Variants in SCNN1A observed in about 807,000 individuals in gnomAD.
SCNN1A encodes sodium channel epithelial 1 subunit alpha, also known as epithelial sodium channel subunit alpha.
Under a neutral mutation model 68.6 loss-of-function variants are expected in SCNN1A, and 65 were observed. The observed-to-expected ratio is 0.95, with a 90% CI of 0.78 to 1.16. SCNN1A has a LOEUF of 1.16. Among genes scored for constraint, SCNN1A ranks in the 50% most tolerant of loss-of-function variants. The pLI, the probability that SCNN1A is intolerant of heterozygous loss-of-function variation, is 0.00. For missense variants in SCNN1A, 880 were observed against 865.9 expected (o/e 1.02, Z -0.20); for synonymous variants, 357 against 353.3 (o/e 1.01, Z -0.12).
chr12:6,365,781 G>C (rs1339264016), intron 2 of SCNN1A, among the ~76,000 whole-genome samples: 5 of 152,140 alleles, frequency 3.3e-5, no homozygotes, highest in Non-Finnish European at 7.3e-5. Flanking sequence ...CTGACCTTGG[G>C]GTAGGCAAAA....
chr12:6,365,799 G>C (rs1357382098), intron 2 of SCNN1A, among the ~76,000 whole-genome samples: 1 of 152,182 alleles, frequency 6.6e-6, no homozygotes, highest in Non-Finnish European at 1.5e-5. Context: ...AAATTCTCTT[G>C]TAAGAAAAAT....
At position 6,374,452 on chromosome 12, in the gene SCNN1A, C is replaced by T; in HGVS notation, c.332G>A (p.Ser111Asn). 2 of 1,614,242 alleles carry T rather than the reference C, an allele frequency of 1.2e-6. No homozygotes were observed. Among genetic ancestry groups the T allele is most frequent in the Non-Finnish European group, 1.7e-6 (2 of 1,180,038 alleles). The change falls in exon 2 of 13, where the codon AGC becomes AAC. Residue 111 changes from serine to asparagine, a missense_variant. By Grantham distance (46) the Ser-to-Asn change is conservative. Around this residue, in one of 3 missense-constraint regions of SCNN1A, gnomAD observed 758 missense variants for 721.8 expected, o/e 1.05. Transcript: ENST00000228916. This position sits in a 1 kb window ranked among gnomAD's most constrained non-coding sequence, Gnocchi z 6.2. ...GTTGATGTTGAGGCTGACGGGGTAG[C>T]TGAAGTACTCTCCGAAAAGCAGGCC... The part of the protein sequence containing the change: ...QFGLLFGEYF[S>N]YPVSLNINLN...
At chr12:6,354,240 G>GA (rs1300744893) in intron 8 of SCNN1A, among the ~76,000 whole-genome samples, 198 bp downstream of exon 8, 2 of 151,632 alleles carry the variant, frequency 1.3e-5, no homozygotes, top group Admixed American at 6.6e-5. Flanking sequence ...CAAAAAAATA[G>GA]AAAAAAAGAG....
At chr12:6,371,278 T>C (rs1235896362) in intron 2 of SCNN1A, among the ~76,000 whole-genome samples, 2 of 151,714 alleles carry the variant, frequency 1.3e-5, no homozygotes, top group Admixed American at 1.3e-4. Flanking sequence ...ATTAACCTGT[T>C]TACCTCCCTG....
chr12:6,354,735 C>T lies in SCNN1A; in HGVS notation c.1242+15G>A, dbSNP rs1565478667. ...TGGCTGGGAGTGGCTGCCACGGAAT[C>T]AGGTTGGGCCTCACCTGCTGTGTGT... On this transcript the variant is annotated intron_variant, in intron 7 of 12. Coordinates refer to ENST00000228916, the MANE Select transcript of SCNN1A (RefSeq NM_001038.6). 3 of 1,607,546 alleles carry T rather than the reference C, an allele frequency of 1.9e-6. No individual in the cohort carries two copies. The highest frequency in any genetic ancestry group is 1.3e-5 in the African/African-American group (1 of 74,706).
chr12:6,348,029 G>A lies in SCNN1A; in HGVS notation c.1854C>T (p.Cys618=), dbSNP rs543479270. 6.2e-7 allele frequency: 1 copy of A among 1,602,048 alleles called. No individual in the cohort carries two copies. The highest frequency in any genetic ancestry group is 8.5e-7 in the Non-Finnish European group (1 of 1,174,074). ...TLASSPPSHF[C]PHPMSLSLSQ... ...ACAAGGACAGAGACATGGGGTGGGG[G>A]CAGAAGTGGGAAGGAGGGGAGGATG... is the stretch of plus-strand genomic sequence containing the variant. The change falls in exon 13 of 13, where the codon TGC becomes TGT. Residue 618 remains cysteine (C), a synonymous_variant. Coordinates refer to ENST00000228916, the MANE Select transcript of SCNN1A (RefSeq NM_001038.6).
At chr12:6,373,592 T>C (rs1442301585) in intron 2 of SCNN1A, among the ~76,000 whole-genome samples, 1 of 152,138 alleles carries the variant, frequency 6.6e-6, no homozygotes, top group Non-Finnish European at 1.5e-5. Flanking sequence ...CCTGCCCTCC[T>C]CTCTTCTCCA....
At chr12:6,363,912 G>A in intron 2 of SCNN1A, 1 of 474,568 alleles carries the variant, frequency 2.1e-6, no homozygotes, top group Non-Finnish European at 3.7e-6. Flanking sequence ...CGGAGGCCAC[G>A]GCGAGCCCAG....
chr12:6,355,811 G>A lies in SCNN1A; in HGVS notation c.945C>T (p.Asn315=). 1 of 1,613,568 alleles carries A rather than the reference G, an allele frequency of 6.2e-7. No homozygotes were observed. The highest frequency in any genetic ancestry group is 8.5e-7 in the Non-Finnish European group (1 of 1,179,444). The change falls in exon 5 of 13, where the codon AAC becomes AAT. Residue 315 remains asparagine (N), a synonymous_variant. Transcript: ENST00000228916. ...CYTFNDKNNS[N]LWMSSMPGIN... ...TTCCAGGCATGGAAGACATCCAGAGGTTGGAGTTGTTCTTGTCATTGAAAG... is the reference window on the plus strand; with the variant it reads ...TTCCAGGCATGGAAGACATCCAGAGATTGGAGTTGTTCTTGTCATTGAAAG...
chr12:6,349,681 C>G, intron 8 of SCNN1A: 1 of 400,864 alleles, frequency 2.5e-6, no homozygotes. Flanking sequence ...TGTACTCCAA[C>G]TCTGGCAACA....
rs531195972 is a variant in SCNN1A at position 6,372,773 on chromosome 12, G to A, written c.416+1595C>T. 2.2e-4 allele frequency among the ~76,000 whole-genome samples: 33 copies of A among 152,324 alleles called. No homozygotes were observed. Among genetic ancestry groups the A allele is most frequent in the Non-Finnish European group, 3.8e-4 (26 of 68,034 alleles). On this transcript the variant is annotated intron_variant, in intron 2 of 12. Transcript: ENST00000228916. This position sits in a 1 kb window ranked among gnomAD's most constrained non-coding sequence, Gnocchi z 5.8. ...CAGGCAGCAGGGGGAGAAAAATGAG[G>A]CTAAGAGGAAGGACCCAAGAGAGCT...
intron 4 of SCNN1A, 193 bp from the exon 5 acceptor site, chr12:6,356,073 TCCAA>T: frequency 1.6e-6 from 1 of 639,548 alleles, no homozygotes; most frequent in Non-Finnish European, 2.9e-6. Flanking sequence ...CCTCAGTCAC[TCCAA>T]CCAACAGCCT....
Position 6,354,466 on chromosome 12 carries a change from G to C in SCNN1A, c.1332C>G (p.Tyr444Ter). 1 of 1,612,904 alleles carries C rather than the reference G, an allele frequency of 6.2e-7. No individual in the cohort carries two copies. Among genetic ancestry groups the C allele is most frequent in the African/African-American group, 1.3e-5 (1 of 75,000 alleles). Residue 444 changes from tyrosine to a stop codon, truncating the protein, a stop_gained, in exon 8 of 13, where the codon TAC (tyrosine) becomes TAG (stop). Transcript: ENST00000228916. LOFTEE classifies it high-confidence loss of function. ...AGGAACTGTGCTTTCTGTAGTCACA[G>C]TACTCCACGTTCTGGGGCCGCGGAT... ...IFYPRPQNVE[Y>*]CDYRKHSSWG...
At chr12:6,358,615 T>TATAATCCCAG (rs1948534458) in intron 4 of SCNN1A, among the ~76,000 whole-genome samples, 1 of 152,032 alleles carries the variant, frequency 6.6e-6, no homozygotes, top group Non-Finnish European at 1.5e-5. Flanking sequence ...TCCCAGCACT[T>TATAATCCCAG]TGGGAGGCCG....
intron 11 of SCNN1A, 58 bp downstream of exon 11, chr12:6,348,892 G>C (rs1592059190): frequency 6.2e-7 from 1 of 1,605,430 alleles, no homozygotes; most frequent in East Asian, 2.2e-5. Context: ...CCTCTTCTTA[G>C]GTCTATTTTC....
rs1948848361 is a variant in SCNN1A, at chr12:6,374,065, C to T, written c.416+303G>A. On this transcript the variant is annotated intron_variant, in intron 2 of 12. Coordinates refer to ENST00000228916, the MANE Select transcript of SCNN1A (RefSeq NM_001038.6). The surrounding 1 kb of genome is among the most constrained non-coding windows in gnomAD (Gnocchi z 6.2). ...CACCCCTGCCCTTTTGCAAGCACTC[C>T]CTCCCACTTGCAGGAGGGAGAAGGG... 6.6e-6 allele frequency among the ~76,000 whole-genome samples: 1 copy of T among 152,168 alleles called. No individual in the cohort carries two copies. The highest frequency in any genetic ancestry group is 2.1e-4 in the South Asian group (1 of 4,824).
rs538671257 is a variant in SCNN1A at position 6,363,394 on chromosome 12, C to A, written c.684+49G>T. 2.1e-6 allele frequency: 3 copies of A among 1,463,088 alleles called. No individual in the cohort carries two copies. The South Asian group carries it at 4.2e-5, about 21-fold the overall frequency. 90.6% of individuals were successfully genotyped at this position (1,463,088 alleles called of 1,614,324 possible). On this transcript the variant is annotated intron_variant, in intron 3 of 12. Transcript: ENST00000228916. ...AGCGGAGCCCATGGGTGGGCGGGGC[C>A]AGGGGCCGGCGAGGGGCGGGGCGGG...
At chr12:6,350,364 G>A (rs571876774) in intron 8 of SCNN1A, among the ~76,000 whole-genome samples, 4 of 151,374 alleles carry the variant, frequency 2.6e-5, no homozygotes, top group South Asian at 4.2e-4. Flanking sequence ...CCCGGGAGGC[G>A]GAGCTTGCAG....
rs59142484 is a variant in SCNN1A, at chr12:6,348,166, C to T, written c.1717G>A (p.Val573Ile). The T allele has an allele frequency of 6.8e-4, 1,091 of 1,614,136 alleles. 11 individuals are homozygous for T. In the African/African-American group the frequency reaches 0.012, roughly 18 times the overall value. The change falls in exon 13 of 13, where the codon GTC (valine) becomes ATC (isoleucine). Residue 573 changes from valine to isoleucine, a missense_variant. Transcript: ENST00000228916. Reference protein sequence around the residue: ...VLSVVEMAELVFDLLVIMFLM... With the variant: ...VLSVVEMAELIFDLLVIMFLM... ...AACATGATGACCAGCAGGTCAAAGA[C>T]GAGCTCAGCCATCTCCACCACAGAC...
Sources: allele counts gnomAD v4.1 joint callset (sites outside exome capture counted in the v4.1 genomes callset), GRCh38; gene constraint gnomAD v4.1.1; regional missense constraint gnomAD v4.1.1; non-coding constraint Gnocchi (gnomAD v3.1); transcripts MANE v1.5; gene names NCBI Gene and HGNC (gene_info 2026-07-23, HGNC 2026-07-21).